Variants in SPAG17 observed in about 807,000 individuals in gnomAD.
SPAG17 encodes the protein sperm associated antigen 17.
In SPAG17, 169 loss-of-function variants were observed where a neutral mutation model predicts 273.6. The observed-to-expected ratio is 0.62, with a 90% confidence interval of 0.55 to 0.70. The LOEUF (loss-of-function observed/expected upper bound fraction) is 0.70, where lower values mean the gene tolerates loss of function less well. Ranked by LOEUF, SPAG17 falls within the 30% of genes least tolerant of loss-of-function variation. SPAG17 has a pLI of 0.00. For synonymous variants in SPAG17, 825 were observed against 873.2 expected (o/e 0.94, Z 0.97); for missense variants, 2,557 against 2,627.8 (o/e 0.97, Z 0.59).
At chr1:118,153,999 G>A (rs1262286005) in intron 1 of SPAG17, among the ~76,000 whole-genome samples, 2 of 152,162 alleles carry the variant, frequency 1.3e-5, no homozygotes, top group Admixed American at 1.3e-4. Flanking sequence ...CAAAGCTCTT[G>A]TTCCTTCCTT....
Position 118,054,082 on chromosome 1 carries a change from T to C in SPAG17, c.2734A>G (p.Ile912Val). The C allele has an allele frequency of 1.2e-6, 2 of 1,600,642 alleles. No homozygotes were observed. The highest frequency in any genetic ancestry group is 2.7e-5 in the African/African-American group (2 of 74,730). ...TGATCTGATATCTCTGTTTTGCTGA[T>C]TCCTTTGTTACCTATAATCAGATAA... Reference protein sequence around the residue: ...SIKESKSNKGISKTEISDQEK... With the variant: ...SIKESKSNKGVSKTEISDQEK... The change falls in exon 20 of 49, where the codon ATC becomes GTC. Residue 912 changes from isoleucine (I) to valine (V), a missense_variant. Physicochemically the swap from Ile to Val is conservative, Grantham distance 29 (BLOSUM62 3). Transcript: ENST00000336338.
chr1:118,021,645 G>C (rs1333300894), intron 28 of SPAG17, among the ~76,000 whole-genome samples: 1 of 152,108 alleles, frequency 6.6e-6, no homozygotes. Flanking sequence ...AGAGTAAACA[G>C]GAACTCTGTG....
intron 48 of SPAG17, among the ~76,000 whole-genome samples, chr1:117,957,532 G>A (rs567140232): frequency 1.1e-3 from 166 of 152,316 alleles, no homozygotes; most frequent in Middle Eastern, 3.4e-3. Flanking sequence ...TAGTCAGTTT[G>A]CCAAAAGCCA....
chr1:117,994,352 C>A (rs563608912), intron 35 of SPAG17, 54 bp downstream of exon 35: 4 of 1,553,794 alleles, frequency 2.6e-6, no homozygotes, highest in East Asian at 2.3e-5. Flanking sequence ...TGGTCCATTG[C>A]CCTTGGATGG....
In SPAG17 at chr1:118,025,402, C is replaced by G; in HGVS notation, c.3745G>C (p.Asp1249His). The part of the protein sequence containing the change: ...GQESTGQYVI[D>H]EEPTWDIMVR... Reference sequence around the variant, plus strand: ...ATGATGTCCCAGGTGGGTTCCTCATCTATAACATATTGACCTAAAAAAAGA... The same window carrying G: ...ATGATGTCCCAGGTGGGTTCCTCATGTATAACATATTGACCTAAAAAAAGA... The change falls in exon 27 of 49, where the codon GAT (aspartate) becomes CAT (histidine). Residue 1249 changes from aspartate (D) to histidine (H), a missense_variant. Transcript: ENST00000336338. The G allele has an allele frequency of 6.3e-7, 1 of 1,577,520 alleles. No homozygotes were observed. The highest frequency in any genetic ancestry group is 1.2e-5 in the South Asian group (1 of 85,304).
Position 118,025,416 on chromosome 1 carries a change from C to A in SPAG17, c.3731G>T (p.Gly1244Val). 1.3e-6 allele frequency: 2 copies of A among 1,528,210 alleles called. No individual in the cohort carries two copies. The highest frequency in any genetic ancestry group is 8.8e-7 in the Non-Finnish European group (1 of 1,140,918). The allele number at this position is 1,528,210 out of a possible 1,614,324, so 94.7% of individuals were successfully genotyped here. Residue 1244 changes from glycine to valine, a missense_variant and splice_region_variant, in exon 27 of 49, where the codon GGT becomes GTT. By Grantham distance (109) the Gly-to-Val change is moderately radical. Transcript: ENST00000336338. Reference protein sequence around the residue: ...LLTFIGQESTGQYVIDEEPTW... With the variant: ...LLTFIGQESTVQYVIDEEPTW... ...GGGTTCCTCATCTATAACATATTGA[C>A]CTAAAAAAAGAATAAAGCCTTCTTG... is the stretch of plus-strand genomic sequence containing the variant.
At chr1:117,975,940 G>A (rs1180773503) in intron 43 of SPAG17, among the ~76,000 whole-genome samples, 1 of 152,096 alleles carries the variant, frequency 6.6e-6, no homozygotes, top group Non-Finnish European at 1.5e-5. Flanking sequence ...TCATGAGCTG[G>A]ACACTGTGCT....
rs146960438 is a variant in SPAG17 at position 118,017,064 on chromosome 1, G to A, written c.4070-882C>T. Reference sequence around the variant, plus strand: ...AAATGTGCAGCAGGGCATGCATCTCGGCCTAACTGATAGGGACTCAACTAA... The same window carrying A: ...AAATGTGCAGCAGGGCATGCATCTCAGCCTAACTGATAGGGACTCAACTAA... On this transcript the variant is annotated intron_variant, in intron 28 of 48. Coordinates refer to ENST00000336338, the MANE Select transcript of SPAG17 (RefSeq NM_206996.4). Among the ~76,000 whole-genome samples the A allele has an allele frequency of 4.4e-3, 677 of 152,176 alleles. 6 individuals are homozygous for A. The highest frequency in any genetic ancestry group is 0.016 in the African/African-American group (652 of 41,518).
intron 48 of SPAG17, among the ~76,000 whole-genome samples, chr1:117,955,665 C>A: frequency 6.6e-6 from 1 of 151,352 alleles, no homozygotes; most frequent in Non-Finnish European, 1.5e-5. Context: ...ATTTTGGCTT[C>A]TTTTCTATGT....
At position 117,966,661 on chromosome 1, in the gene SPAG17, G is replaced by A; in HGVS notation, c.6480C>T (p.His2160=). The A allele has an allele frequency of 6.2e-7, 1 of 1,613,704 alleles. No individual in the cohort carries two copies. The highest frequency in any genetic ancestry group is 8.5e-7 in the Non-Finnish European group (1 of 1,179,830). Residue 2160 remains histidine (H), a synonymous_variant, in exon 47 of 49, where the codon CAC becomes CAT. Transcript: ENST00000336338. ...DGAKGSAHIS[H]NIEIMTEHEV... ...CATGCTCTGTCATAATCTCGATATT[G>A]TGAGAGATGTGTGCTGATCCCTTGG...
At chr1:118,008,790 T>A (rs1659172431) in intron 30 of SPAG17, among the ~76,000 whole-genome samples, 1 of 152,216 alleles carries the variant, frequency 6.6e-6, no homozygotes, top group South Asian at 2.1e-4. Context: ...CGAACCATCT[T>A]GATCTATATG....
chr1:117,971,483 A>G (rs1040551369), intron 45 of SPAG17, among the ~76,000 whole-genome samples: 1 of 152,250 alleles, frequency 6.6e-6, no homozygotes, highest in Non-Finnish European at 1.5e-5. Flanking sequence ...AACAAACATC[A>G]GCTAGTATTA....
chr1:118,103,145 A>G (rs1326432489), intron 4 of SPAG17, among the ~76,000 whole-genome samples: 1 of 152,192 alleles, frequency 6.6e-6, no homozygotes, highest in Non-Finnish European at 1.5e-5. Context: ...ACTCCTTTGA[A>G]GAGCTAGGGG....
chr1:117,991,358 G>A (rs1299768149), intron 37 of SPAG17, 57 bp downstream of exon 37: 2 of 1,056,932 alleles, frequency 1.9e-6, no homozygotes, highest in African/African-American at 3.3e-5. Context: ...ATTTTGTCCT[G>A]AAACATTTAA....
At chr1:118,166,903 T>G (rs1381917251) in intron 1 of SPAG17, among the ~76,000 whole-genome samples, 15 of 152,246 alleles carry the variant, frequency 9.9e-5, no homozygotes, top group Non-Finnish European at 1.5e-5. Context: ...AGACAAATGC[T>G]TTGACAAAGT....
At chr1:118,022,270 A>G (rs1376534240) in intron 28 of SPAG17, among the ~76,000 whole-genome samples, 1 of 152,184 alleles carries the variant, frequency 6.6e-6, no homozygotes, top group Non-Finnish European at 1.5e-5. Context: ...TATGCCTCAC[A>G]GAGGATTAGC....
chr1:118,155,965 C>T (rs4323702), intron 1 of SPAG17, among the ~76,000 whole-genome samples: 14,746 of 152,144 alleles, frequency 0.097, 1,997 homozygotes, highest in African/African-American at 0.3. Context: ...ATTTGTGTGA[C>T]TCTAACTGTA....
chr1:118,175,361 C>T (rs923328610), intron 1 of SPAG17, among the ~76,000 whole-genome samples: 9 of 151,984 alleles, frequency 5.9e-5, no homozygotes, highest in Non-Finnish European at 1.2e-4. Flanking sequence ...AAACCAAAAG[C>T]TGAGGGAGTT....
At chr1:118,027,360 CATTAA>C (rs1464373506) in intron 26 of SPAG17, among the ~76,000 whole-genome samples, 8 of 152,236 alleles carry the variant, frequency 5.3e-5, no homozygotes, top group African/African-American at 1.9e-4. Context: ...GTAAATAAAA[CATTAA>C]ATTATTTTTA....
Sources: allele counts gnomAD v4.1 joint callset (sites outside exome capture counted in the v4.1 genomes callset), GRCh38; gene constraint gnomAD v4.1.1; transcripts MANE v1.5; gene names NCBI Gene and HGNC (gene_info 2026-07-23, HGNC 2026-07-21).